The following ENPP2 variants were observed in gnomAD, a reference collection of about 807,000 sequenced individuals.
The protein encoded by ENPP2 is autotaxin.
ENPP2 carries 51 observed loss-of-function variants against 120.2 expected under a neutral mutation model. The ratio of observed to expected loss-of-function variants is 0.42; its 90% confidence interval spans 0.34 to 0.54. The LOEUF (loss-of-function observed/expected upper bound fraction) is 0.54, where lower values mean the gene tolerates loss of function less well. Among genes scored for constraint, ENPP2 ranks in the 20% least tolerant of loss-of-function variants. The pLI is 0.04. For missense variants in ENPP2, 920 were observed against 1,066.5 expected, an observed-to-expected ratio of 0.86 and a Z score of 1.91; for synonymous variants, 365 against 366.4, an observed-to-expected ratio of 1.00 and a Z score of 0.04.
At chr8:119,610,917 A>T (rs191386544) in intron 8 of ENPP2, among the ~76,000 whole-genome samples, 1,925 of 151,950 alleles carry the variant, frequency 0.013, 47 homozygotes, top group African/African-American at 0.044. Context: ...AAAAAAAAAA[A>T]AAATACAACT....
At chr8:119,593,344 AT>A (rs1026857211) in intron 12 of ENPP2, among the ~76,000 whole-genome samples, 28 of 152,148 alleles carry the variant, frequency 1.8e-4, no homozygotes, top group African/African-American at 6.5e-4. Flanking sequence ...TCTTTATCAT[AT>A]TTAGATGTAT....
intron 1 of ENPP2, among the ~76,000 whole-genome samples, chr8:119,652,958 A>G (rs1817666892): frequency 6.6e-6 from 1 of 152,194 alleles, no homozygotes; most frequent in Non-Finnish European, 1.5e-5. Flanking sequence ...AATTCTTGTA[A>G]AAGAAACCCA....
upstream of ENPP2, among the ~76,000 whole-genome samples, chr8:119,643,691 C>G (rs1404439240): frequency 6.6e-6 from 1 of 152,224 alleles, no homozygotes; most frequent in Non-Finnish European, 1.5e-5. Flanking sequence ...CTGACCCACA[C>G]ATAGCTCCTG....
chr8:119,669,073 T>G (rs1042905230), intron 1 of ENPP2, among the ~76,000 whole-genome samples: 3 of 152,244 alleles, frequency 2.0e-5, no homozygotes, highest in African/African-American at 7.2e-5. Context: ...CTAATCCTTA[T>G]GCCTTTTCTC....
At chr8:119,637,148 C>T (rs1817048916) in intron 2 of ENPP2, among the ~76,000 whole-genome samples, 1 of 152,102 alleles carries the variant, frequency 6.6e-6, no homozygotes, top group Admixed American at 6.5e-5. Flanking sequence ...GGATCTGATT[C>T]CCCTGTCTGT....
intron 19 of ENPP2, among the ~76,000 whole-genome samples, chr8:119,574,654 G>A (rs1490693582): frequency 1.3e-5 from 2 of 151,958 alleles, no homozygotes; most frequent in Non-Finnish European, 2.9e-5. Flanking sequence ...TCCCTCCTCA[G>A]CTTCCTGATT....
chr8:119,618,289 C>G (rs567523977), intron 5 of ENPP2: 5 of 499,224 alleles, frequency 1.0e-5, no homozygotes, highest in Non-Finnish European at 2.0e-5. Context: ...TGAGTGTATC[C>G]TCTCCCCAGG....
rs768259004 is a variant in ENPP2, at chr8:119,595,832, AATAG to A, written c.973-1976_973-1973del. 3 of 1,613,546 alleles carry A rather than the reference AATAG, an allele frequency of 1.9e-6. No individual in the cohort carries two copies. In the South Asian group the frequency reaches 3.3e-5, roughly 18 times the overall value. The stretch of plus-strand genomic sequence containing the variant: ...CCTGCCCGCCACAAAGCTTTGGAAC[AATAG>A]ATAAACTTACTTTGTCCTGACGAGT... On this transcript the variant is annotated intron_variant, in intron 11 of 24. Transcript: ENST00000075322.
chr8:119,629,358 T>C (rs1244083605), intron 2 of ENPP2, among the ~76,000 whole-genome samples: 2 of 152,212 alleles, frequency 1.3e-5, no homozygotes, highest in Admixed American at 6.5e-5. Flanking sequence ...TACATGCTTA[T>C]GAATTTTTCA....
At chr8:119,620,774 C>A (rs1815835430) in intron 4 of ENPP2, among the ~76,000 whole-genome samples, 1 of 152,224 alleles carries the variant, frequency 6.6e-6, no homozygotes, top group African/African-American at 2.4e-5. Flanking sequence ...AGCCAACACT[C>A]ATGCATATAT....
chr8:119,595,153 C>T (rs1323571238), intron 11 of ENPP2, among the ~76,000 whole-genome samples: 1 of 152,158 alleles, frequency 6.6e-6, no homozygotes, highest in Admixed American at 6.6e-5. Flanking sequence ...TGATCTTTGG[C>T]AATGACTTAT....
intron 8 of ENPP2, among the ~76,000 whole-genome samples, chr8:119,612,513 CT>C (rs1463813758): frequency 2.4e-4 from 36 of 152,298 alleles, no homozygotes; most frequent in African/African-American, 8.7e-4. Context: ...CAGTCATTCA[CT>C]AAAATGGCTT....
intron 1 of ENPP2, among the ~76,000 whole-genome samples, chr8:119,669,476 C>T (rs1052898176): frequency 3.9e-5 from 6 of 152,164 alleles, no homozygotes; most frequent in Admixed American, 1.3e-4. Context: ...GATGTGAGCC[C>T]AGGTCCTGTG....
At chr8:119,625,614 G>A (rs1816215148) in intron 3 of ENPP2, among the ~76,000 whole-genome samples, 1 of 152,160 alleles carries the variant, frequency 6.6e-6, no homozygotes, top group Non-Finnish European at 1.5e-5. Context: ...AACCTGCCAA[G>A]GAAACCATGG....
At chr8:119,639,272 G>C (rs1036180747), upstream of ENPP2, among the ~76,000 whole-genome samples, 8 of 152,046 alleles carry the variant, frequency 5.3e-5, no homozygotes, top group African/African-American at 1.9e-4. Flanking sequence ...TTTAAGCAAG[G>C]AAAGTTTTAT....
At chr8:119,619,068 C>T (rs1251040761) in intron 5 of ENPP2, among the ~76,000 whole-genome samples, 176 bp downstream of exon 5, 1 of 152,162 alleles carries the variant, frequency 6.6e-6, no homozygotes, top group Non-Finnish European at 1.5e-5. Context: ...AAACTATCAC[C>T]ATTTCAAGAC....
In ENPP2 at chr8:119,671,769, G is replaced by A. The variant is rs545371053; in HGVS notation, c.21+1483C>T. Among the ~76,000 whole-genome samples, 639 of 152,302 alleles carry A rather than the reference G, an allele frequency of 4.2e-3. 1 individual carries two copies. The highest frequency in any genetic ancestry group is 7.8e-3 in the Non-Finnish European group (528 of 68,022). On this transcript the variant is annotated intron_variant, in intron 1 of 25. Transcript: ENST00000427067. ...ACACCATGTATATGTAGTGGTTAAA[G>A]CCGCTGGAGTGAATGAGATTATCCA...
intron 1 of ENPP2, among the ~76,000 whole-genome samples, chr8:119,649,030 T>C (rs1230199056): frequency 6.6e-6 from 1 of 152,084 alleles, no homozygotes; most frequent in East Asian, 1.9e-4. Flanking sequence ...TTGCTTGATA[T>C]AAGACAAAAA....
chr8:119,645,850 C>T (rs1339832416), intron 1 of ENPP2, among the ~76,000 whole-genome samples: 8 of 151,756 alleles, frequency 5.3e-5, no homozygotes, highest in Non-Finnish European at 4.4e-5. Context: ...CATAACTGCT[C>T]TTCCTGTTTG....
Sources: allele counts gnomAD v4.1 joint callset (sites outside exome capture counted in the v4.1 genomes callset), GRCh38; gene constraint gnomAD v4.1.1; transcripts MANE v1.5; gene names NCBI Gene and HGNC (gene_info 2026-07-23, HGNC 2026-07-21).